EML6: variants seen among roughly 807,000 people sequenced by gnomAD.
The protein encoded by EML6 is EMAP like 6.
In EML6, 154 loss-of-function variants were observed where a neutral mutation model predicts 240.1. That is an observed-to-expected ratio of 0.64 (90% CI 0.56 to 0.73). The LOEUF is 0.73. Among genes scored for constraint, EML6 ranks in the 30% least tolerant of loss-of-function variants. The probability of loss-of-function intolerance (pLI) is 0.00; values close to 1 mark genes in which losing one functional copy is unlikely to be tolerated. For synonymous variants in EML6, 1,148 were observed against 899.0 expected (o/e 1.28, Z -4.95); for missense variants, 2,964 against 2,474.6 (o/e 1.20, Z -4.20).
chr2:54,911,696 C>CA (rs1673650530), intron 25 of EML6, among the ~76,000 whole-genome samples: 1 of 152,164 alleles, frequency 6.6e-6, no homozygotes, highest in Non-Finnish European at 1.5e-5. Flanking sequence ...GTCAGCCTCC[C>CA]AAAGTGCTGG....
chr2:54,966,559 C>T (rs1314475187), intron 38 of EML6, among the ~76,000 whole-genome samples: 1 of 152,326 alleles, frequency 6.6e-6, no homozygotes, highest in East Asian at 1.9e-4. Context: ...CCTGCCTTAC[C>T]TCTGTACCAA....
Position 54,765,096 on chromosome 2 carries a change from G to T in EML6, c.197+39838G>T, listed in dbSNP as rs184052073. Among the ~76,000 whole-genome samples, 104 of 151,086 alleles carry T rather than the reference G, an allele frequency of 6.9e-4. 1 individual carries two copies. The highest frequency in any genetic ancestry group is 1.3e-3 in the Non-Finnish European group (86 of 67,764). On this transcript the variant is annotated intron_variant, in intron 2 of 41. Transcript: ENST00000356458. ...CTTTCTCGTAATAATATATTTTCTG[G>T]ATATCTTCCTTTGAGTGGAAAACTA...
At chr2:54,953,072 G>A (rs1676060808) in intron 31 of EML6, among the ~76,000 whole-genome samples, 1 of 152,120 alleles carries the variant, frequency 6.6e-6, no homozygotes, top group African/African-American at 2.4e-5. Flanking sequence ...AACTGCCGGT[G>A]ACAAATGTGA....
chr2:54,933,794 G>C (rs990366954), intron 28 of EML6, among the ~76,000 whole-genome samples: 6 of 152,068 alleles, frequency 3.9e-5, no homozygotes, highest in African/African-American at 1.4e-4. Flanking sequence ...TTGAAATGCA[G>C]TTATGCCACC....
At chr2:54,737,728 C>A (rs1403475650) in intron 2 of EML6, among the ~76,000 whole-genome samples, 1 of 152,172 alleles carries the variant, frequency 6.6e-6, no homozygotes, top group Non-Finnish European at 1.5e-5. Flanking sequence ...GCAGTCTTTG[C>A]TGTATAAGGT....
intron 28 of EML6, among the ~76,000 whole-genome samples, chr2:54,936,809 T>A (rs1291194112): frequency 6.6e-6 from 1 of 152,338 alleles, no homozygotes; most frequent in Non-Finnish European, 1.5e-5. Flanking sequence ...GAAAAGAGGT[T>A]TAACTGCTCC....
intron 21 of EML6, among the ~76,000 whole-genome samples, chr2:54,898,679 C>G (rs1414433728): frequency 6.6e-6 from 1 of 152,152 alleles, no homozygotes; most frequent in Non-Finnish European, 1.5e-5. Flanking sequence ...ACCTGTTCCC[C>G]AAAGCATTCC....
At chr2:54,964,363 G>A (rs572810714) in intron 37 of EML6, among the ~76,000 whole-genome samples, 13 of 152,244 alleles carry the variant, frequency 8.5e-5, no homozygotes, top group Non-Finnish European at 1.9e-4. Context: ...AAAATTACTT[G>A]TAAATGTCAT....
intron 28 of EML6, among the ~76,000 whole-genome samples, chr2:54,942,440 C>G (rs947610881): frequency 3.3e-5 from 5 of 152,178 alleles, no homozygotes; most frequent in African/African-American, 1.2e-4. Context: ...GATTCTCCAT[C>G]TGGGGGGAAT....
At position 54,797,177 on chromosome 2, in the gene EML6, A is replaced by AAAAAAAAAAAAAAAAAAC. The variant is rs1669850770; in HGVS notation, c.198-16043_198-16042insAAAAACAAAAAAAAAAAA. Among the ~76,000 whole-genome samples, 100 of 132,726 alleles carry AAAAAAAAAAAAAAAAAAC rather than the reference A, an allele frequency of 7.5e-4. 1 individual carries two copies. The highest frequency in any genetic ancestry group is 1.9e-3 in the Admixed American group (24 of 12,490). 87.1% of individuals were successfully genotyped at this position (132,726 alleles called of 152,430 possible). On this transcript the variant is annotated intron_variant, in intron 2 of 41. Coordinates refer to ENST00000356458, the MANE Select transcript of EML6 (RefSeq NM_001039753.4). ...AAGACTCCATCTCAAAAAAAAAAAA[A>AAAAAAAAAAAAAAAAAAC]AAAAAAAAAAAACTGTGATCTTGTA...
chr2:54,895,347 A>G lies in EML6; in HGVS notation c.2929A>G (p.Asn977Asp), dbSNP rs920372813. The G allele has an allele frequency of 1.0e-5, 16 of 1,551,944 alleles. 1 individual carries two copies. In the Admixed American group the frequency reaches 2.2e-4, roughly 21 times the overall value. Residue 977 changes from asparagine (N) to aspartate (D), a missense_variant, in exon 21 of 42, where the codon AAT (asparagine) becomes GAT (aspartate). Coordinates refer to ENST00000356458, the MANE Select transcript of EML6 (RefSeq NM_001039753.4). ...GHGHILVGTK[N>D]GEILEIDKSG... is the part of the protein sequence containing the mutation. ...TGGACATATCCTGGTGGGAACAAAAAATGGAGAGATTCTGGAAATTGATAA... is the reference window on the plus strand; with the variant it reads ...TGGACATATCCTGGTGGGAACAAAAGATGGAGAGATTCTGGAAATTGATAA...
intron 26 of EML6, among the ~76,000 whole-genome samples, chr2:54,919,911 A>G (rs1243584365): frequency 6.6e-6 from 1 of 152,216 alleles, no homozygotes. Flanking sequence ...AAGTTACACT[A>G]TGTTTTGTAT....
chr2:54,832,662 TA>T (rs770920829), intron 7 of EML6, among the ~76,000 whole-genome samples: 8 of 151,916 alleles, frequency 5.3e-5, no homozygotes, highest in Non-Finnish European at 1.0e-4. Context: ...GCTGAGCAAA[TA>T]AAAGGGAAGG....
In EML6 at chr2:54,891,143, G is replaced by A; in HGVS notation, c.2528G>A (p.Trp843Ter). 6.8e-7 allele frequency: 1 copy of A among 1,470,040 alleles called. No individual in the cohort carries two copies. Among genetic ancestry groups the A allele is most frequent in the South Asian group, 1.4e-5 (1 of 73,878 alleles). 91.1% of individuals were successfully genotyped at this position (1,470,040 alleles called of 1,614,324 possible). ...GTTGGGATAAAACACATCAAATTCT[G>A]GCAACAAGCAGGTACTGTCGTTTGG... is the stretch of plus-strand genomic sequence containing the variant. ...VTVGIKHIKF[W>*]QQAGGGFTSK... Residue 843 changes from tryptophan (W) to a stop codon, truncating the protein, a stop_gained, in exon 18 of 42, where the codon TGG (tryptophan) becomes TAG (stop). Transcript: ENST00000356458. LOFTEE classifies it high-confidence loss of function.
chr2:54,939,031 C>T (rs1376656865), intron 28 of EML6, among the ~76,000 whole-genome samples: 5 of 152,140 alleles, frequency 3.3e-5, no homozygotes, highest in African/African-American at 1.2e-4. Flanking sequence ...TGCTTTATCT[C>T]TATAATCTAG....
chr2:54,799,678 T>G (rs1228891502), intron 2 of EML6, among the ~76,000 whole-genome samples: 1 of 152,154 alleles, frequency 6.6e-6, no homozygotes, highest in Non-Finnish European at 1.5e-5. Context: ...TGGCAGAATT[T>G]TGTAGTTGCA....
At chr2:54,819,562 G>T (rs1195133446) in intron 4 of EML6, among the ~76,000 whole-genome samples, 1 of 152,092 alleles carries the variant, frequency 6.6e-6, no homozygotes, top group Non-Finnish European at 1.5e-5. Context: ...TGGATCACGA[G>T]GTCACAAGAT....
intron 25 of EML6, among the ~76,000 whole-genome samples, chr2:54,913,372 C>T (rs902776324): frequency 1.3e-5 from 2 of 151,814 alleles, no homozygotes; most frequent in Non-Finnish European, 2.9e-5. Flanking sequence ...CTCAGTCTCC[C>T]GAGTAGCTGG....
intron 29 of EML6, among the ~76,000 whole-genome samples, chr2:54,949,219 C>T (rs1214985448): frequency 6.6e-6 from 1 of 152,114 alleles, no homozygotes; most frequent in Non-Finnish European, 1.5e-5. Flanking sequence ...TCCTGTGTCC[C>T]TCAAGCCTGG....
Sources: gnomAD v4.1 joint callset for allele counts (sites outside exome capture counted in the v4.1 genomes callset) on GRCh38, gnomAD v4.1.1 for gene constraint, MANE v1.5 for transcripts, NCBI Gene and HGNC (gene_info 2026-07-23, HGNC 2026-07-21) for gene names.